NEMF: variants seen among roughly 807,000 people sequenced by gnomAD.
NEMF encodes the protein ribosome quality control complex subunit NEMF.
A neutral mutation model predicts 162.2 loss-of-function variants in NEMF; 89 were observed. The ratio of observed to expected loss-of-function variants is 0.55; its 90% confidence interval spans 0.46 to 0.65. NEMF has a LOEUF of 0.65. Among genes scored for constraint, NEMF ranks in the 30% least tolerant of loss-of-function variants. NEMF has a pLI of 0.00. For missense variants in NEMF, 1,133 were observed against 1,261.9 expected, an observed-to-expected ratio of 0.90 and a Z score of 1.55; for synonymous variants, 421 against 404.5, an observed-to-expected ratio of 1.04 and a Z score of -0.49.
intron 3 of NEMF, among the ~76,000 whole-genome samples, chr14:49,848,456 G>A (rs1220379241): frequency 6.6e-6 from 1 of 152,056 alleles, no homozygotes; most frequent in African/African-American, 2.4e-5. Context: ...CTACTCTGTA[G>A]CCTCTAAAAT....
At chr14:49,851,975 CTAAGGA>C (rs1893799637) in intron 1 of NEMF, 100 bp from the exon 2 acceptor site, 1 of 726,722 alleles carries the variant, frequency 1.4e-6, no homozygotes, top group South Asian at 1.9e-5. Context: ...ATCTCAGTCT[CTAAGGA>C]TATGGAGTCA....
At chr14:49,844,737 GCA>G (rs71118809) in intron 4 of NEMF, 4,824 of 167,916 alleles carry the variant, frequency 0.029, 211 homozygotes, top group African/African-American at 0.098. Flanking sequence ...GCACGCGCGC[GCA>G]CACACACACA....
At chr14:49,841,003 C>G in intron 4 of NEMF, 137 bp from the exon 5 acceptor site, 1 of 653,442 alleles carries the variant, frequency 1.5e-6, no homozygotes, top group East Asian at 3.1e-5. Flanking sequence ...TTGAGACCAG[C>G]CTGGCCAACA....
In NEMF at chr14:49,799,502, C is replaced by T. The variant is rs780721239; in HGVS notation, c.2438G>A (p.Arg813Gln). 35 of 1,611,584 alleles carry T rather than the reference C, an allele frequency of 2.2e-5. No homozygotes were observed. Among genetic ancestry groups the T allele is most frequent in the South Asian group, 1.1e-4 (10 of 90,360 alleles). Residue 813 changes from arginine to glutamine, a missense_variant, in exon 25 of 33, where the codon CGG becomes CAG. By Grantham distance (43) the Arg-to-Gln change is conservative (BLOSUM62 1). Around this residue, in one of 3 missense-constraint regions of NEMF, gnomAD observed 532 missense variants for 578.6 expected, o/e 0.92. Transcript: ENST00000298310. The stretch of plus-strand genomic sequence containing the variant: ...TCTTTCCTTGGCTGACAAATGTCTC[C>T]GGCTCTGTGATTTACTGTCACTCTA... ...SNSSDSKSQS[R>Q]RHLSAKERRE...
intron 4 of NEMF, among the ~76,000 whole-genome samples, chr14:49,842,730 GGCGCAGTGGCTCAC>G (rs1020917409): frequency 6.6e-6 from 1 of 152,230 alleles, no homozygotes; most frequent in Non-Finnish European, 1.5e-5. Context: ...TAGCAGGCCA[GGCGCAGTGGCTCAC>G]GCCTGTAATC....
At chr14:49,784,894 TCC>T in intron 32 of NEMF, 29 bp downstream of exon 32, 6 of 1,568,798 alleles carry the variant, frequency 3.8e-6, no homozygotes, top group Non-Finnish European at 4.4e-6. Flanking sequence ...ACTGTCAGTC[TCC>T]ACATTCCTTT....
Position 49,789,199 on chromosome 14 carries a change from C to T in NEMF, c.2842G>A (p.Val948Ile), listed in dbSNP as rs1384028122. Reference protein sequence around the residue: ...NIKKETPFLEVITHELQDFAV... With the variant: ...NIKKETPFLEIITHELQDFAV... Reference sequence around the variant, plus strand: ...AAGTCTTGTAACTCATGAGTTATAACCTCAAGGAACGGAGTTTCTTTCTTA... The same window carrying T: ...AAGTCTTGTAACTCATGAGTTATAATCTCAAGGAACGGAGTTTCTTTCTTA... The change falls in exon 28 of 33, where the codon GTT becomes ATT. Residue 948 changes from valine to isoleucine, a missense_variant. Val to Ile is a conservative substitution (Grantham distance 29). Coordinates refer to ENST00000298310, the MANE Select transcript of NEMF (RefSeq NM_004713.6). The T allele has an allele frequency of 3.1e-6, 5 of 1,614,080 alleles. No individual in the cohort carries two copies. The highest frequency in any genetic ancestry group is 1.7e-5 in the Admixed American group (1 of 60,022).
chr14:49,789,298 C>T lies in NEMF; in HGVS notation c.2743G>A (p.Gly915Arg), dbSNP rs750055129. ...TTCACAGGTTCGTCCTTTGTTTTTCCTTTCTTCCCCTTCTTCCCTTTTTCT... is the reference window on the plus strand; with the variant it reads ...TTCACAGGTTCGTCCTTTGTTTTTCTTTTCTTCCCCTTCTTCCCTTTTTCT... Reference protein sequence around the residue: ...KEEKGKKGKKGKTKDEPVKKQ... With the variant: ...KEEKGKKGKKRKTKDEPVKKQ... Residue 915 changes from glycine (G) to arginine (R), a missense_variant, in exon 28 of 33, where the codon GGA (glycine) becomes AGA (arginine). Around this residue, in one of 3 missense-constraint regions of NEMF, gnomAD observed 532 missense variants for 578.6 expected, o/e 0.92. Coordinates refer to ENST00000298310, the MANE Select transcript of NEMF (RefSeq NM_004713.6). 1 of 1,614,130 alleles carries T rather than the reference C, an allele frequency of 6.2e-7. No homozygotes were observed. The highest frequency in any genetic ancestry group is 8.5e-7 in the Non-Finnish European group (1 of 1,180,012).
rs1354045636 is a variant in NEMF at position 49,799,669 on chromosome 14, C to T, written c.2382G>A (p.Gln794=). 6.2e-7 allele frequency: 1 copy of T among 1,611,300 alleles called. No individual in the cohort carries two copies. The highest frequency in any genetic ancestry group is 8.5e-7 in the Non-Finnish European group (1 of 1,179,022). The change falls in exon 24 of 33, where the codon CAG becomes CAA. Residue 794 remains glutamine, a synonymous_variant. Transcript: ENST00000298310. ...AAGATTCCTCTTTTGAAGCCAATTT[C>T]TGGATGGACCTATGAAAATAAACAC... ...LSHLQPQRSI[Q]KLASKEESSN...
Position 49,852,747 on chromosome 14 carries a change from T to C in NEMF, c.7A>G (p.Ser3Gly). Reference protein sequence around the residue: MKSRFSTIDLRAV... With the variant: MKGRFSTIDLRAV... Reference sequence around the variant, plus strand: ...CGGAGGTCAATGGTGCTAAAGCGGCTCTTCATGGCGAGGCCCGAGGGTCAC... The same window carrying C: ...CGGAGGTCAATGGTGCTAAAGCGGCCCTTCATGGCGAGGCCCGAGGGTCAC... The change falls in exon 1 of 33, where the codon AGC becomes GGC. Residue 3 changes from serine to glycine, a missense_variant. By Grantham distance (56) the Ser-to-Gly change is moderately conservative (BLOSUM62 0). Transcript: ENST00000298310. 1 of 1,614,196 alleles carries C rather than the reference T, an allele frequency of 6.2e-7. No individual in the cohort carries two copies. The highest frequency in any genetic ancestry group is 8.5e-7 in the Non-Finnish European group (1 of 1,180,042).
At chr14:49,831,255 G>T (rs201221369) in intron 11 of NEMF, 44 bp downstream of exon 11, 1 of 1,102,370 alleles carries the variant, frequency 9.1e-7, no homozygotes, top group Non-Finnish European at 1.4e-6. Context: ...CCATCAAGCC[G>T]CTAAAGACTA....
chr14:49,832,821 C>T (rs545229514), intron 8 of NEMF, among the ~76,000 whole-genome samples: 1 of 152,016 alleles, frequency 6.6e-6, no homozygotes, highest in Non-Finnish European at 1.5e-5. Context: ...TTGAAAAGGG[C>T]TGACAAATGA....
At chr14:49,802,078 C>G (rs896883034) in intron 22 of NEMF, among the ~76,000 whole-genome samples, 3 of 151,750 alleles carry the variant, frequency 2.0e-5, no homozygotes, top group Non-Finnish European at 4.4e-5. Flanking sequence ...CTACCTCAGC[C>G]TCTTCAGTAG....
chr14:49,820,196 C>G, intron 16 of NEMF: 3 of 287,720 alleles, frequency 1.0e-5, no homozygotes. Context: ...GTCATCTGCC[C>G]GCCTCGGCCT....
At chr14:49,804,257 G>A (rs1401071236) in intron 19 of NEMF, among the ~76,000 whole-genome samples, 7 of 151,982 alleles carry the variant, frequency 4.6e-5, no homozygotes, top group Non-Finnish European at 1.0e-4. Flanking sequence ...GCCCACCTTG[G>A]CCTTCCAAAG....
rs950579312 is a variant in NEMF, at chr14:49,851,601, A to C, written c.193T>G (p.Trp65Gly). ...GIRIHTTEFE[W>G]PKNMMPSSFA... The stretch of plus-strand genomic sequence containing the variant: ...CTAGACGGCATCATATTCTTAGGCC[A>C]CTCAAATTCTGTTGTATGAATTCGT... Residue 65 changes from tryptophan (W) to glycine (G), a missense_variant, in exon 3 of 33, where the codon TGG becomes GGG. Coordinates refer to ENST00000298310, the MANE Select transcript of NEMF (RefSeq NM_004713.6). The C allele has an allele frequency of 1.2e-6, 2 of 1,613,912 alleles. No homozygotes were observed. The highest frequency in any genetic ancestry group is 1.7e-6 in the Non-Finnish European group (2 of 1,179,864).
intron 15 of NEMF, 69 bp downstream of exon 15, chr14:49,828,222 G>T (rs989001499): frequency 6.6e-6 from 7 of 1,059,024 alleles, no homozygotes; most frequent in Non-Finnish European, 1.0e-5. Context: ...TTAAACAGAA[G>T]AAATAATTAT....
At chr14:49,834,886 T>C (rs956110847) in intron 6 of NEMF, among the ~76,000 whole-genome samples, 5 of 152,220 alleles carry the variant, frequency 3.3e-5, no homozygotes, top group Non-Finnish European at 7.3e-5. Flanking sequence ...TATTTTGAAG[T>C]GTTACTTAGA....
intron 4 of NEMF, among the ~76,000 whole-genome samples, chr14:49,845,092 AGTT>A: frequency 6.7e-6 from 1 of 148,542 alleles, no homozygotes; most frequent in Non-Finnish European, 1.5e-5. Flanking sequence ...TTAGTTAGTT[AGTT>A]AGTTAGTTTA....
Sources: gnomAD v4.1 joint callset for allele counts (sites outside exome capture counted in the v4.1 genomes callset) on GRCh38, gnomAD v4.1.1 for gene constraint, gnomAD v4.1.1 regional missense constraint, MANE v1.5 for transcripts, NCBI Gene and HGNC (gene_info 2026-07-23, HGNC 2026-07-21) for gene names.